Variants in PIP4K2A observed in about 807,000 individuals in gnomAD.
PIP4K2A encodes phosphatidylinositol 5-phosphate 4-kinase type-2 alpha.
PIP4K2A carries 14 observed loss-of-function variants against 42.9 expected under a neutral mutation model. The ratio of observed to expected loss-of-function variants is 0.33; its 90% CI spans 0.22 to 0.51. The LOEUF is 0.51. Among genes scored for constraint, PIP4K2A ranks in the 20% least tolerant of loss-of-function variants. PIP4K2A has a pLI of 0.97. For missense variants in PIP4K2A, 434 were observed against 519.8 expected (o/e 0.83, Z 1.61); for synonymous variants, 192 against 192.2 (o/e 1.00, Z 0.01).
At chr10:22,556,230 A>T (rs1057413356) in intron 6 of PIP4K2A, among the ~76,000 whole-genome samples, 1 of 152,192 alleles carries the variant, frequency 6.6e-6, no homozygotes, top group African/African-American at 2.4e-5. Context: ...GACAGGATGC[A>T]TCGAAGGTGA....
chr10:22,609,087 C>T (rs985871400), intron 2 of PIP4K2A, among the ~76,000 whole-genome samples: 1 of 152,330 alleles, frequency 6.6e-6, no homozygotes, highest in South Asian at 2.1e-4. Flanking sequence ...AGGGCAGGGC[C>T]GTGTCTTCTA....
chr10:22,637,749 C>T (rs1303182091), intron 1 of PIP4K2A, among the ~76,000 whole-genome samples: 1 of 152,132 alleles, frequency 6.6e-6, no homozygotes, highest in African/African-American at 2.4e-5. Context: ...CACAAGCCAC[C>T]AAAGCAAAGC....
intron 1 of PIP4K2A, among the ~76,000 whole-genome samples, chr10:22,680,537 T>C (rs888397356): frequency 6.6e-6 from 1 of 152,164 alleles, no homozygotes; most frequent in Non-Finnish European, 1.5e-5. Context: ...GAGAGGGTAT[T>C]TTCCCTCTGT....
intron 1 of PIP4K2A, among the ~76,000 whole-genome samples, chr10:22,666,045 A>C (rs1839344412): frequency 6.6e-6 from 1 of 152,116 alleles, no homozygotes; most frequent in South Asian, 2.1e-4. Flanking sequence ...GTTTCTAATA[A>C]ACTTGACCAA....
At position 22,536,970 on chromosome 10, in the gene PIP4K2A, AC is replaced by A; in HGVS notation, c.*230del. ...GCGCACACACTCACCCCCCCCCAAC[AC>A]ACACACACACACATATACACAAAGT... is the stretch of plus-strand genomic sequence containing the variant. On this transcript the variant is annotated 3_prime_UTR_variant, in exon 10 of 10. Coordinates refer to ENST00000376573, the MANE Select transcript of PIP4K2A (RefSeq NM_005028.5). The A allele has an allele frequency of 9.9e-6, 2 of 201,584 alleles. No individual in the cohort carries two copies. Among genetic ancestry groups the A allele is most frequent in the Non-Finnish European group, 1.8e-5 (2 of 112,816 alleles). The allele number at this position is 201,584 out of a possible 1,614,324, so 12.5% of individuals were successfully genotyped here. A position where few individuals can be genotyped will look rare whatever the true frequency, so the allele number is the denominator to read the frequency against.
intron 1 of PIP4K2A, among the ~76,000 whole-genome samples, chr10:22,659,427 T>C (rs1839161357): frequency 6.6e-6 from 1 of 152,180 alleles, no homozygotes; most frequent in African/African-American, 2.4e-5. Context: ...ACCCCGTCTC[T>C]ACTAAAAATA....
intron 1 of PIP4K2A, among the ~76,000 whole-genome samples, chr10:22,636,988 C>T (rs1838679901): frequency 6.6e-6 from 1 of 152,186 alleles, no homozygotes; most frequent in South Asian, 2.1e-4. Flanking sequence ...CAGCAGAGCC[C>T]AGCCCAAATT....
intron 1 of PIP4K2A, among the ~76,000 whole-genome samples, chr10:22,640,863 T>C (rs924885085): frequency 6.6e-6 from 1 of 152,014 alleles, no homozygotes; most frequent in Non-Finnish European, 1.5e-5. Flanking sequence ...TACATAAACA[T>C]AGAGCAAGGA....
At chr10:22,577,864 A>G (rs1837161119) in intron 4 of PIP4K2A, among the ~76,000 whole-genome samples, 1 of 152,240 alleles carries the variant, frequency 6.6e-6, no homozygotes, top group Non-Finnish European at 1.5e-5. Flanking sequence ...TCTCAATTGC[A>G]GAGATGCACG....
At chr10:22,559,101 A>G (rs1836622442) in intron 6 of PIP4K2A, among the ~76,000 whole-genome samples, 1 of 152,200 alleles carries the variant, frequency 6.6e-6, no homozygotes, top group South Asian at 2.1e-4. Context: ...TGGTGCGCAG[A>G]TATCTATGGT....
chr10:22,553,991 A>G (rs1480782011), intron 6 of PIP4K2A, among the ~76,000 whole-genome samples: 1 of 151,880 alleles, frequency 6.6e-6, no homozygotes, highest in Non-Finnish European at 1.5e-5. Flanking sequence ...AATAAAACAT[A>G]TGAGATAACC....
At chr10:22,655,714 T>C (rs1311999969) in intron 1 of PIP4K2A, among the ~76,000 whole-genome samples, 2 of 152,206 alleles carry the variant, frequency 1.3e-5, no homozygotes, top group African/African-American at 4.8e-5. Context: ...AATGTAAACA[T>C]GACTGGATGG....
intron 9 of PIP4K2A, among the ~76,000 whole-genome samples, chr10:22,538,249 A>G (rs1835987263): frequency 6.6e-6 from 1 of 152,304 alleles, no homozygotes; most frequent in African/African-American, 2.4e-5. Flanking sequence ...TGCTGACAGT[A>G]ATGTTTTCTT....
At chr10:22,602,007 C>T (rs1032015489) in intron 3 of PIP4K2A, among the ~76,000 whole-genome samples, 7 of 152,146 alleles carry the variant, frequency 4.6e-5, no homozygotes, top group African/African-American at 1.7e-4. Context: ...TGGTGGGTGA[C>T]GGAGGCTTGG....
chr10:22,577,723 G>A (rs1196601682), intron 4 of PIP4K2A, among the ~76,000 whole-genome samples: 5 of 152,100 alleles, frequency 3.3e-5, no homozygotes, highest in Non-Finnish European at 4.4e-5. Context: ...GCATCTTGTC[G>A]GGTTCTTGAG....
At chr10:22,603,518 T>C (rs1290085921) in intron 3 of PIP4K2A, among the ~76,000 whole-genome samples, 1 of 152,136 alleles carries the variant, frequency 6.6e-6, no homozygotes, top group Non-Finnish European at 1.5e-5. Flanking sequence ...CAGATTTTCA[T>C]GAAGAACATT....
At chr10:22,611,189 G>A (rs1359601791) in intron 1 of PIP4K2A, among the ~76,000 whole-genome samples, 1 of 152,118 alleles carries the variant, frequency 6.6e-6, no homozygotes. Context: ...AGGACTTTGA[G>A]ACCAGCCTAG....
chr10:22,683,258 C>G (rs771404081), intron 1 of PIP4K2A, among the ~76,000 whole-genome samples: 4 of 152,146 alleles, frequency 2.6e-5, no homozygotes, highest in Non-Finnish European at 5.9e-5. Flanking sequence ...CTCATACCAC[C>G]GAGTCAAGGC....
intron 1 of PIP4K2A, among the ~76,000 whole-genome samples, chr10:22,621,745 G>A (rs1838335222): frequency 6.6e-6 from 1 of 152,236 alleles, no homozygotes; most frequent in South Asian, 2.1e-4. Context: ...GTAAGACAAT[G>A]GAGAAGGGGA....
Sources: allele counts gnomAD v4.1 joint callset (sites outside exome capture counted in the v4.1 genomes callset), GRCh38; gene constraint gnomAD v4.1.1; transcripts MANE v1.5; gene names NCBI Gene and HGNC (gene_info 2026-07-23, HGNC 2026-07-21).